CSMD1: variants seen among roughly 807,000 people sequenced by gnomAD.
The protein encoded by CSMD1 is CUB and sushi domain-containing protein 1.
CSMD1 carries 213 observed loss-of-function variants against 417.5 expected under a neutral mutation model. The ratio of observed to expected loss-of-function variants is 0.51; its 90% CI spans 0.46 to 0.57. The LOEUF is 0.57. CSMD1 is among the 20% of genes least tolerant of loss of function. The probability of loss-of-function intolerance (pLI) is 0.00; values close to 1 mark genes in which losing one functional copy is unlikely to be tolerated. For missense variants in CSMD1, 6,923 were observed against 4,529.7 expected (o/e 1.53, Z -15.17); for synonymous variants, 2,862 against 1,736.8 (o/e 1.65, Z -16.11).
intron 1 of CSMD1, among the ~76,000 whole-genome samples, chr8:4,809,723 C>T (rs1798788100): frequency 6.6e-6 from 1 of 152,192 alleles, no homozygotes; most frequent in East Asian, 1.9e-4. Context: ...AAACATCTGT[C>T]ATTTCAACAT....
intron 5 of CSMD1, among the ~76,000 whole-genome samples, chr8:3,889,741 T>C (rs895447129): frequency 2.0e-5 from 3 of 151,856 alleles, no homozygotes; most frequent in Non-Finnish European, 2.9e-5. Context: ...AGACTTATTA[T>C]GTATAGTATC....
chr8:4,957,326 G>C (rs1209436495), intron 1 of CSMD1, among the ~76,000 whole-genome samples: 1 of 152,166 alleles, frequency 6.6e-6, no homozygotes, highest in African/African-American at 2.4e-5. Context: ...AACAAGGAAA[G>C]ATGCGTTGGC....
chr8:3,346,239 T>C (rs1807984651), intron 22 of CSMD1, among the ~76,000 whole-genome samples: 2 of 152,222 alleles, frequency 1.3e-5, no homozygotes, highest in African/African-American at 4.8e-5. Flanking sequence ...TAATCAACTT[T>C]AAACAGCATG....
In CSMD1 at chr8:4,569,237, G is replaced by C. The variant is rs180800051; in HGVS notation, c.302+68105C>G. 1.4e-4 allele frequency among the ~76,000 whole-genome samples: 22 copies of C among 152,252 alleles called. No individual in the cohort carries two copies. The East Asian group carries it at 2.5e-3, about 17-fold the overall frequency. ...TTTGCCCATGCCTATGTCCTGAATG[G>C]TATTGCCTAGGTTTTCTTCTAGGGT... On this transcript the variant is annotated intron_variant, in intron 2 of 69. Transcript: ENST00000635120.
At chr8:4,933,436 G>A (rs575727066) in intron 1 of CSMD1, among the ~76,000 whole-genome samples, 6 of 152,302 alleles carry the variant, frequency 3.9e-5, no homozygotes, top group East Asian at 1.9e-4. Flanking sequence ...TTTGTGTCAA[G>A]ATAAAGAAAA....
At chr8:4,060,656 C>T (rs1013176714) in intron 3 of CSMD1, among the ~76,000 whole-genome samples, 7 of 152,098 alleles carry the variant, frequency 4.6e-5, no homozygotes, top group African/African-American at 9.7e-5. Context: ...AAAGGAGAAG[C>T]GGCACCTGGC....
intron 2 of CSMD1, among the ~76,000 whole-genome samples, chr8:4,422,208 C>T (rs186009670): frequency 6.6e-6 from 1 of 152,220 alleles, no homozygotes; most frequent in Admixed American, 6.5e-5. Flanking sequence ...CAGTCGTACA[C>T]ACTTTAAAGA....
rs534445508 is a variant in CSMD1, at chr8:3,144,117, G to A, written c.6032-1443C>T. Among the ~76,000 whole-genome samples, 23 of 152,288 alleles carry A rather than the reference G, an allele frequency of 1.5e-4. No individual in the cohort carries two copies. In the South Asian group the frequency reaches 4.6e-3, roughly 30 times the overall value. On this transcript the variant is annotated intron_variant, in intron 40 of 69. Coordinates refer to ENST00000635120, the MANE Select transcript of CSMD1 (RefSeq NM_033225.6). ...GCCTGGGGTCCGATTTGCCAACCAA[G>A]TTTGCTCCCAGCACAGTAATCATCA...
At chr8:4,938,207 T>C (rs1006734612) in intron 1 of CSMD1, among the ~76,000 whole-genome samples, 1 of 152,176 alleles carries the variant, frequency 6.6e-6, no homozygotes, top group Non-Finnish European at 1.5e-5. Context: ...TTTGAGCTAC[T>C]AGTGAAGCTC....
chr8:3,862,857 A>G lies in CSMD1; in HGVS notation c.819-108815T>C, dbSNP rs527849403. 2.3e-3 allele frequency among the ~76,000 whole-genome samples: 347 copies of G among 152,318 alleles called. 1 individual carries two copies. The highest frequency in any genetic ancestry group is 8.0e-3 in the African/African-American group (334 of 41,576). ...GGGCAGGTGTCAAAATCTCTTGGTC[A>G]TTAGTTTTATGCTATTATTACTGTG... On this transcript the variant is annotated intron_variant, in intron 5 of 69. Transcript: ENST00000635120.
Position 4,262,724 on chromosome 8 carries a change from T to C in CSMD1, c.415+157229A>G, listed in dbSNP as rs76601623. 5.4e-3 allele frequency among the ~76,000 whole-genome samples: 820 copies of C among 152,228 alleles called. 6 individuals are homozygous for C. The highest frequency in any genetic ancestry group is 0.019 in the African/African-American group (784 of 41,542). On this transcript the variant is annotated intron_variant, in intron 3 of 69. Coordinates refer to ENST00000635120, the MANE Select transcript of CSMD1 (RefSeq NM_033225.6). ...TATCACTCAGGTCCCAAAATCCACT[T>C]CCCTTTTGGCCCTGAGGTTTTTCTT...
intron 3 of CSMD1, among the ~76,000 whole-genome samples, chr8:4,376,780 A>G (rs962096891): frequency 3.9e-5 from 6 of 152,018 alleles, no homozygotes; most frequent in Non-Finnish European, 7.4e-5. Context: ...TTGATAACCA[A>G]CTCTATTTTC....
chr8:4,014,036 T>C (rs1265462456), intron 4 of CSMD1, among the ~76,000 whole-genome samples: 2 of 152,174 alleles, frequency 1.3e-5, no homozygotes, highest in East Asian at 3.8e-4. Flanking sequence ...CGGAGAAATA[T>C]TGATGTGTAT....
intron 57 of CSMD1, among the ~76,000 whole-genome samples, chr8:2,968,249 T>G (rs1246670212): frequency 6.6e-6 from 1 of 152,256 alleles, no homozygotes; most frequent in African/African-American, 2.4e-5. Context: ...ACTGTGTGGA[T>G]GGGCTAATGG....
chr8:4,384,318 T>G (rs1803301063), intron 3 of CSMD1, among the ~76,000 whole-genome samples: 1 of 152,078 alleles, frequency 6.6e-6, no homozygotes, highest in African/African-American at 2.4e-5. Flanking sequence ...AGTTCCGAAA[T>G]CTACCTCATG....
At chr8:4,174,270 A>T (rs1282558706) in intron 3 of CSMD1, among the ~76,000 whole-genome samples, 1 of 152,176 alleles carries the variant, frequency 6.6e-6, no homozygotes, top group Non-Finnish European at 1.5e-5. Context: ...TTCAGCAAGA[A>T]TAGAGGCTAA....
intron 5 of CSMD1, among the ~76,000 whole-genome samples, chr8:3,992,200 T>C (rs1206059470): frequency 2.0e-5 from 3 of 150,694 alleles, no homozygotes; most frequent in Non-Finnish European, 4.4e-5. Context: ...TACATTCATA[T>C]TTATTTCCCA....
intron 12 of CSMD1, among the ~76,000 whole-genome samples, chr8:3,437,616 C>G (rs1395518491): frequency 6.6e-6 from 1 of 152,158 alleles, no homozygotes; most frequent in African/African-American, 2.4e-5. Flanking sequence ...AGTAGATTCT[C>G]TTCTTTACAT....
At chr8:4,356,462 G>A (rs375114231) in intron 3 of CSMD1, among the ~76,000 whole-genome samples, 69 of 152,252 alleles carry the variant, frequency 4.5e-4, no homozygotes, top group African/African-American at 1.4e-3. Context: ...TTCGTGTAAT[G>A]ACTTCTTTTC....
Sources: gnomAD v4.1 joint callset for allele counts (sites outside exome capture counted in the v4.1 genomes callset) on GRCh38, gnomAD v4.1.1 for gene constraint, MANE v1.5 for transcripts, NCBI Gene and HGNC (gene_info 2026-07-23, HGNC 2026-07-21) for gene names.